Variants in TP53BP1 observed in about 807,000 individuals in gnomAD.
The protein encoded by TP53BP1 is tumor protein p53 binding protein 1.
A neutral mutation model predicts 200.8 loss-of-function variants in TP53BP1; 61 were observed. The ratio of observed to expected loss-of-function variants is 0.30; its 90% CI spans 0.25 to 0.38. TP53BP1 has a LOEUF of 0.38. TP53BP1 is among the 10% of genes least tolerant of loss of function. The pLI, the probability that TP53BP1 is intolerant of heterozygous loss-of-function variation, is 1.00. For missense variants in TP53BP1, 2,144 were observed against 2,371.9 expected (o/e 0.90, Z 2.00); for synonymous variants, 822 against 844.3 (o/e 0.97, Z 0.46).
intron 15 of TP53BP1, among the ~76,000 whole-genome samples, 165 bp from the exon 16 acceptor site, chr15:43,438,581 T>A (rs1224451179): frequency 6.6e-6 from 1 of 152,108 alleles, no homozygotes; most frequent in Non-Finnish European, 1.5e-5. Flanking sequence ...TGAATTAGCA[T>A]AATTTAAAAT....
upstream of TP53BP1, among the ~76,000 whole-genome samples, chr15:43,493,338 C>T (rs980094629): frequency 2.0e-5 from 3 of 152,134 alleles, no homozygotes; most frequent in Non-Finnish European, 2.9e-5. Context: ...TTTAGTAGAG[C>T]CGGAGAATGA....
At chr15:43,502,104 G>C (rs1252692078) in intron 1 of TP53BP1, among the ~76,000 whole-genome samples, 1 of 152,118 alleles carries the variant, frequency 6.6e-6, no homozygotes, top group African/African-American at 2.4e-5. Flanking sequence ...AGGTTCGCTT[G>C]AGCCAGAAGT....
chr15:43,481,151 A>G, intron 4 of TP53BP1, 129 bp from the exon 5 acceptor site: 2 of 952,186 alleles, frequency 2.1e-6, no homozygotes, highest in Non-Finnish European at 3.1e-6. Flanking sequence ...CCTCACCTTT[A>G]TAGTGCTTCT....
Position 43,406,073 on chromosome 15 carries a change from T to G in TP53BP1, c.*1310A>C, listed in dbSNP as rs1318289141. 2.7e-5 allele frequency: 4 copies of G among 150,306 alleles called. No homozygotes were observed. The highest frequency in any genetic ancestry group is 2.7e-4 in the Admixed American group (4 of 15,060). The allele number at this position is 150,306 out of a possible 1,614,324, so 9.3% of individuals were successfully genotyped here. ...AAAAAAAAAAAAAAAAAAGTATTAT[T>G]CTCCAAGAAAAAGGTCCTTAAGAAA... On this transcript the variant is annotated 3_prime_UTR_variant, in exon 28 of 28. Transcript: ENST00000382044.
rs749956200 is a variant in TP53BP1, at chr15:43,479,953, T to C, written c.564A>G (p.Glu188=). ...TGTCCACTTCATATGGCACAGTATT[T>C]TCCTCAACATCCTGGCTCTGGGAGA... is the stretch of plus-strand genomic sequence containing the variant. ...LELSQSQDVE[E]NTVPYEVDKE... is the part of the protein sequence containing the mutation. Residue 188 remains glutamate, a synonymous_variant, in exon 6 of 28, where the codon GAA becomes GAG. Coordinates refer to ENST00000382044, the MANE Select transcript of TP53BP1 (RefSeq NM_001141980.3). 6.2e-7 allele frequency: 1 copy of C among 1,614,162 alleles called. No homozygotes were observed. Among genetic ancestry groups the C allele is most frequent in the Admixed American group, 1.7e-5 (1 of 60,010 alleles).
intron 1 of TP53BP1, among the ~76,000 whole-genome samples, chr15:43,509,188 C>CGT (rs35363548): frequency 1.9e-3 from 3 of 1,562 alleles, no homozygotes; most frequent in Admixed American, 9.1e-3. Flanking sequence ...GATCCACAAA[C>CGT]GGGGGGGGGG....
chr15:43,440,410 G>A (rs192498080), intron 15 of TP53BP1, among the ~76,000 whole-genome samples: 1 of 152,186 alleles, frequency 6.6e-6, no homozygotes, highest in Non-Finnish European at 1.5e-5. Flanking sequence ...AGCTACTTGG[G>A]AGGCTGAGGC....
At chr15:43,457,671 C>CAAAAAAA (rs56866996) in intron 11 of TP53BP1, among the ~76,000 whole-genome samples, 1 of 19,108 alleles carries the variant, frequency 5.2e-5, no homozygotes. Context: ...GACTCCATCT[C>CAAAAAAA]AAAAAAAAAA....
intron 4 of TP53BP1, among the ~76,000 whole-genome samples, chr15:43,491,075 A>ATTTT (rs1010560667): frequency 7.0e-6 from 1 of 143,080 alleles, no homozygotes; most frequent in Non-Finnish European, 1.5e-5. Context: ...ATACTCCTAA[A>ATTTT]TTTTTTTTTT....
At chr15:43,412,897 C>G (rs1008501813) in intron 24 of TP53BP1, 5 of 598,082 alleles carry the variant, frequency 8.4e-6, no homozygotes, top group South Asian at 1.8e-5. Context: ...TCCCATCTGC[C>G]TCACAGGATT....
At chr15:43,482,120 T>A (rs2250743) in intron 4 of TP53BP1, among the ~76,000 whole-genome samples, 6 of 151,142 alleles carry the variant, frequency 4.0e-5, no homozygotes, top group Middle Eastern at 3.4e-3. Context: ...TCCCAGCTAC[T>A]CAGGAGGCTG....
intron 11 of TP53BP1, among the ~76,000 whole-genome samples, chr15:43,463,632 G>C (rs1033870555): frequency 2.0e-5 from 3 of 152,064 alleles, no homozygotes; most frequent in African/African-American, 7.2e-5. Flanking sequence ...GAAGAAAAGA[G>C]AACTGCAAAA....
intron 21 of TP53BP1, among the ~76,000 whole-genome samples, chr15:43,418,700 G>A (rs2045324994): frequency 6.6e-6 from 1 of 152,080 alleles, no homozygotes; most frequent in African/African-American, 2.4e-5. Context: ...ATAACCACAA[G>A]CATAAACCTC....
intron 11 of TP53BP1, among the ~76,000 whole-genome samples, chr15:43,467,608 T>A (rs938383579): frequency 4.6e-5 from 7 of 152,104 alleles, no homozygotes; most frequent in Non-Finnish European, 1.0e-4. Flanking sequence ...TTTCAAAACG[T>A]CCATTCTCCC....
chr15:43,422,218 T>A, intron 18 of TP53BP1, 92 bp from the exon 19 acceptor site: 2 of 1,393,930 alleles, frequency 1.4e-6, no homozygotes, highest in Non-Finnish European at 9.8e-7. Context: ...TGGCACAAAA[T>A]TATAATTCAA....
chr15:43,413,037 AG>A, intron 24 of TP53BP1, 81 bp downstream of exon 24: 1 of 1,375,496 alleles, frequency 7.3e-7, no homozygotes, highest in South Asian at 1.3e-5. Flanking sequence ...TACATACAAC[AG>A]GGGGACCACC....
At chr15:43,422,221 T>A in intron 18 of TP53BP1, 95 bp from the exon 19 acceptor site, 2 of 1,379,776 alleles carry the variant, frequency 1.4e-6, no homozygotes, top group Non-Finnish European at 9.9e-7. Context: ...CACAAAATTA[T>A]AATTCAAAAA....
At chr15:43,419,064 A>G (rs1054317532) in intron 21 of TP53BP1, among the ~76,000 whole-genome samples, 4 of 152,178 alleles carry the variant, frequency 2.6e-5, no homozygotes, top group African/African-American at 9.7e-5. Flanking sequence ...CACTAAAAAT[A>G]CAAAAATTAG....
At chr15:43,418,844 C>T (rs1186685385) in intron 21 of TP53BP1, among the ~76,000 whole-genome samples, 1 of 152,198 alleles carries the variant, frequency 6.6e-6, no homozygotes, top group Non-Finnish European at 1.5e-5. Flanking sequence ...CTCAATATCA[C>T]CTACTGGGTT....
Sources: allele counts gnomAD v4.1 joint callset (sites outside exome capture counted in the v4.1 genomes callset), GRCh38; gene constraint gnomAD v4.1.1; transcripts MANE v1.5; gene names NCBI Gene and HGNC (gene_info 2026-07-23, HGNC 2026-07-21).